Variants in RELN observed in about 807,000 individuals in gnomAD.
RELN encodes reelin.
In RELN, 108 loss-of-function variants were observed where a neutral mutation model predicts 427.6. That is an observed-to-expected ratio of 0.25 (90% confidence interval 0.22 to 0.30). The LOEUF is 0.30. Ranked by LOEUF, RELN falls within the 10% of genes least tolerant of loss-of-function variation. The pLI is 1.00. For missense variants in RELN, 3,715 were observed against 4,302.8 expected, an observed-to-expected ratio of 0.86 and a Z score of 3.82; for synonymous variants, 1,524 against 1,513.4, an observed-to-expected ratio of 1.01 and a Z score of -0.16.
Position 103,749,512 on chromosome 7 carries a change from A to G in RELN, c.578-8T>C, listed in dbSNP as rs1584462023. 2 of 1,596,950 alleles carry G rather than the reference A, an allele frequency of 1.3e-6. No homozygotes were observed. The highest frequency in any genetic ancestry group is 1.7e-6 in the Non-Finnish European group (2 of 1,164,540). The stretch of plus-strand genomic sequence containing the variant: ...TGTCACTATGTATTTCAGCTAAAAG[A>G]AAAAGGAAGTATTTAGGAAAGAAAT... On this transcript the variant is annotated splice_polypyrimidine_tract_variant and splice_region_variant and intron_variant, in intron 5 of 64. Coordinates refer to ENST00000428762, the MANE Select transcript of RELN (RefSeq NM_005045.4).
chr7:103,749,316 A>G (rs1442814554), intron 6 of RELN, 110 bp downstream of exon 6: 1 of 837,552 alleles, frequency 1.2e-6, no homozygotes, highest in Non-Finnish European at 2.1e-6. Context: ...TCTCACTGAT[A>G]GCTTAGCACT....
In RELN at chr7:103,539,295, C is replaced by T. The variant is rs577520481; in HGVS notation, c.6963G>A (p.Thr2321=). The T allele has an allele frequency of 5.4e-5, 87 of 1,614,064 alleles. 1 individual carries two copies. In the South Asian group the frequency reaches 7.8e-4, roughly 14 times the overall value. ...GGGTTGTGAAATCATCTTCCAAGAC[C>T]GTATTACCAGAAATATTTCCTCCAA... The part of the protein sequence containing the change: ...ILIGGNISGN[T]VLEDDFTTLD... The change falls in exon 45 of 65, where the codon ACG becomes ACA. Residue 2321 remains threonine (T), a synonymous_variant. Coordinates refer to ENST00000428762, the MANE Select transcript of RELN (RefSeq NM_005045.4).
intron 2 of RELN, among the ~76,000 whole-genome samples, chr7:103,907,414 G>GAAAAAAAAAAAAAAAAAAAAAAAAA (rs1795234328): frequency 2.5e-5 from 1 of 39,690 alleles, no homozygotes; most frequent in Non-Finnish European, 4.2e-5. Context: ...TCAAGGCTCT[G>GAAAAAAAAAAAAAAAAAAAAAAAAA]GAAAAAAAAA....
In RELN at chr7:103,715,128, G is replaced by A. The variant is rs549957623; in HGVS notation, c.805+8012C>T. 3.0e-4 allele frequency among the ~76,000 whole-genome samples: 45 copies of A among 152,226 alleles called. No individual in the cohort carries two copies. The South Asian group carries it at 7.1e-3, about 24-fold the overall frequency. On this transcript the variant is annotated intron_variant, in intron 8 of 64. Coordinates refer to ENST00000428762, the MANE Select transcript of RELN (RefSeq NM_005045.4). The stretch of plus-strand genomic sequence containing the variant: ...AAAAATACCCATGGGGGAATTTAGC[G>A]TTTATTAACGAGAAAACATATTTCA...
At chr7:103,476,551 G>C (rs1251098195) in intron 64 of RELN, among the ~76,000 whole-genome samples, 1 of 152,170 alleles carries the variant, frequency 6.6e-6, no homozygotes, top group African/African-American at 2.4e-5. Context: ...TGGTAATTTG[G>C]TATGTGAAAT....
At chr7:103,660,672 T>G (rs901150835) in intron 12 of RELN, among the ~76,000 whole-genome samples, 1 of 152,178 alleles carries the variant, frequency 6.6e-6, no homozygotes, top group Admixed American at 6.5e-5. Flanking sequence ...CTTCCAGATA[T>G]TGCCTGTGCT....
chr7:103,702,460 C>T (rs1390384444), intron 8 of RELN, among the ~76,000 whole-genome samples: 2 of 152,154 alleles, frequency 1.3e-5, no homozygotes, highest in South Asian at 2.1e-4. Context: ...ATATTCCTTA[C>T]AGAATGCAAT....
intron 50 of RELN, among the ~76,000 whole-genome samples, chr7:103,511,864 A>T (rs2528861): frequency 0.25 from 37,399 of 152,062 alleles, 5,007 homozygotes; most frequent in East Asian, 0.43. Flanking sequence ...GTTTTAAAAA[A>T]TGAAATATAC....
chr7:103,850,126 A>T (rs1397231293), intron 2 of RELN, among the ~76,000 whole-genome samples: 1 of 152,188 alleles, frequency 6.6e-6, no homozygotes, highest in Admixed American at 6.5e-5. Context: ...TTCTATCCAC[A>T]AAATATATCA....
intron 19 of RELN, among the ~76,000 whole-genome samples, chr7:103,633,435 A>G (rs777026462): frequency 1.1e-3 from 163 of 151,886 alleles, no homozygotes; most frequent in Middle Eastern, 3.4e-3. Context: ...TATTTGTAAG[A>G]GAGAGGGGGC....
chr7:103,501,500 C>T (rs1489652601), intron 52 of RELN, among the ~76,000 whole-genome samples: 1 of 152,122 alleles, frequency 6.6e-6, no homozygotes, highest in Non-Finnish European at 1.5e-5. Context: ...TCTTCTCTGT[C>T]TTCTGGGGGA....
rs1796376311 is a variant in RELN at position 103,953,665 on chromosome 7, G to T, written c.226+35466C>A. Among the ~76,000 whole-genome samples, 1 of 152,172 alleles carries T rather than the reference G, an allele frequency of 6.6e-6. No individual in the cohort carries two copies. Among genetic ancestry groups the T allele is most frequent in the South Asian group, 2.1e-4 (1 of 4,830 alleles). ...TTACCAGCCTCCACTGGGTGCGGTG[G>T]CTCACATCTGTAATCCCAGCACTTT... On this transcript the variant is annotated intron_variant, in intron 1 of 64. Coordinates refer to ENST00000428762, the MANE Select transcript of RELN (RefSeq NM_005045.4). The surrounding 1 kb of genome is among the most constrained non-coding windows in gnomAD (Gnocchi z 4.3).
At chr7:103,918,930 G>C (rs1346284851) in intron 1 of RELN, among the ~76,000 whole-genome samples, 1 of 152,052 alleles carries the variant, frequency 6.6e-6, no homozygotes, top group Non-Finnish European at 1.5e-5. Flanking sequence ...ATCAGATGCT[G>C]TATGCTTACA....
At chr7:103,788,655 G>C (rs577060414) in intron 3 of RELN, among the ~76,000 whole-genome samples, 375 of 152,212 alleles carry the variant, frequency 2.5e-3, no homozygotes, top group African/African-American at 8.8e-3. Context: ...TCTTCAAGGA[G>C]AACTACAAAC....
chr7:103,552,089 C>T (rs1830425629), intron 40 of RELN, among the ~76,000 whole-genome samples: 1 of 152,152 alleles, frequency 6.6e-6, no homozygotes, highest in South Asian at 2.1e-4. Context: ...TCTCCTCTCA[C>T]CTACTTCTTC....
chr7:103,492,333 A>T (rs2711845), intron 57 of RELN, among the ~76,000 whole-genome samples: 1 of 152,178 alleles, frequency 6.6e-6, no homozygotes, highest in Non-Finnish European at 1.5e-5. Context: ...AGTCAAATTT[A>T]TAGACAGAAA....
At chr7:103,531,792 C>T (rs1584269227) in intron 46 of RELN, among the ~76,000 whole-genome samples, 1 of 152,132 alleles carries the variant, frequency 6.6e-6, no homozygotes, top group Middle Eastern at 3.4e-3. Context: ...AAAACAAAAA[C>T]CCAACAGATG....
chr7:103,705,441 T>C (rs1032724190), intron 8 of RELN, among the ~76,000 whole-genome samples: 5 of 152,212 alleles, frequency 3.3e-5, no homozygotes. Flanking sequence ...ATTTGTACTA[T>C]GATGAAGTAA....
chr7:103,719,165 C>A (rs1303102892), intron 8 of RELN, among the ~76,000 whole-genome samples: 1 of 152,152 alleles, frequency 6.6e-6, no homozygotes, highest in Non-Finnish European at 1.5e-5. Flanking sequence ...AAGCCCTGAG[C>A]TGATACAGAT....
Sources: allele counts gnomAD v4.1 joint callset (sites outside exome capture counted in the v4.1 genomes callset), GRCh38; gene constraint gnomAD v4.1.1; non-coding constraint Gnocchi (gnomAD v3.1); transcripts MANE v1.5; gene names NCBI Gene and HGNC (gene_info 2026-07-23, HGNC 2026-07-21).